Variants in RAP1A observed in about 807,000 individuals in gnomAD.
The protein encoded by RAP1A is ras-related protein Rap-1A.
A neutral mutation model predicts 26.4 loss-of-function variants in RAP1A; 6 were observed. The observed-to-expected ratio is 0.23, with a 90% CI of 0.12 to 0.45. The LOEUF (loss-of-function observed/expected upper bound fraction) is 0.45. Ranked by LOEUF, RAP1A falls within the 20% of genes least tolerant of loss-of-function variation. The pLI, the probability that RAP1A is intolerant of heterozygous loss-of-function variation, is 0.99. For missense variants in RAP1A, 121 were observed against 217.2 expected (o/e 0.56, Z 2.78); for synonymous variants, 73 against 79.4 (o/e 0.92, Z 0.43).
chr1:111,695,411 TA>T lies in RAP1A; in HGVS notation c.126+6del. On this transcript the variant is annotated splice_donor_region_variant and intron_variant, in intron 3 of 7. Coordinates refer to ENST00000369709, the MANE Select transcript of RAP1A (RefSeq NM_002884.4). Reference sequence around the variant, plus strand: ...ACGATAGAAGATTCCTACAGAAAGGTAAAATGTGAAACTTGTACACACATGC... The same window carrying T: ...ACGATAGAAGATTCCTACAGAAAGGTAAATGTGAAACTTGTACACACATGC... 2 of 1,549,448 alleles carry T rather than the reference TA, an allele frequency of 1.3e-6. No individual in the cohort carries two copies. Among genetic ancestry groups the T allele is most frequent in the Admixed American group, 4.3e-5 (2 of 46,422 alleles).
chr1:111,619,703 C>T, upstream of RAP1A: 1 of 392,730 alleles, frequency 2.5e-6, no homozygotes, highest in African/African-American at 2.1e-5. Flanking sequence ...GGGCCGAAGC[C>T]CAGCCATCGC....
chr1:111,652,563 C>T (rs1247780115), intron 1 of RAP1A, among the ~76,000 whole-genome samples: 2 of 152,106 alleles, frequency 1.3e-5, no homozygotes, highest in East Asian at 1.9e-4. Flanking sequence ...TACCATCTAG[C>T]TCTTCATAGA....
chr1:111,610,533 AACACACACACACACACACACACACAC>A (rs71099922), intron 1 of RAP1A, among the ~76,000 whole-genome samples: 4 of 141,794 alleles, frequency 2.8e-5, no homozygotes, highest in African/African-American at 1.0e-4. Flanking sequence ...CCCTCCACCC[AACACACACACACACACACACACACAC>A]ACACACACAC....
chr1:111,646,305 A>G (rs1045275404), intron 1 of RAP1A, among the ~76,000 whole-genome samples: 1 of 151,694 alleles, frequency 6.6e-6, no homozygotes, highest in African/African-American at 2.4e-5. Context: ...ATCCACTAGT[A>G]TACCTCTGAC....
chr1:111,580,718 G>A (rs1288945986), intron 1 of RAP1A, among the ~76,000 whole-genome samples: 1 of 152,062 alleles, frequency 6.6e-6, no homozygotes, highest in East Asian at 1.9e-4. Context: ...GCAGTGGCAG[G>A]TGCCTGTAAT....
At chr1:111,609,712 T>G (rs1487360455) in intron 1 of RAP1A, among the ~76,000 whole-genome samples, 1 of 152,222 alleles carries the variant, frequency 6.6e-6, no homozygotes, top group Non-Finnish European at 1.5e-5. Flanking sequence ...CTCGGCTCAC[T>G]GCAACCTCCG....
chr1:111,696,009 A>G (rs770695203), intron 3 of RAP1A, among the ~76,000 whole-genome samples: 10 of 152,108 alleles, frequency 6.6e-5, no homozygotes, highest in Non-Finnish European at 1.3e-4. Context: ...GGGTGAGGCT[A>G]TGCATTTGTG....
chr1:111,586,034 G>A (rs1658359416), intron 1 of RAP1A, among the ~76,000 whole-genome samples: 1 of 152,064 alleles, frequency 6.6e-6, no homozygotes, highest in East Asian at 1.9e-4. Flanking sequence ...TTGCTTGTAG[G>A]TATCTTTCTT....
chr1:111,679,522 T>TTTTC (rs540463226), intron 1 of RAP1A, among the ~76,000 whole-genome samples: 13,341 of 151,862 alleles, frequency 0.088, 777 homozygotes, highest in South Asian at 0.15. Context: ...CTTTTCTTTT[T>TTTTC]TTTTGTACCC....
intron 1 of RAP1A, among the ~76,000 whole-genome samples, chr1:111,594,725 T>C (rs1326990271): frequency 6.6e-6 from 1 of 152,126 alleles, no homozygotes; most frequent in Non-Finnish European, 1.5e-5. Context: ...AGTCTTCTGC[T>C]CACCTGAGCC....
At chr1:111,652,193 C>T (rs113060064) in intron 1 of RAP1A, among the ~76,000 whole-genome samples, 3,965 of 152,160 alleles carry the variant, frequency 0.026, 152 homozygotes, top group African/African-American at 0.089. Flanking sequence ...AGTCTCGTCT[C>T]GAACTCCTGA....
chr1:111,685,442 C>A (rs1202844459), intron 1 of RAP1A, among the ~76,000 whole-genome samples: 1 of 151,364 alleles, frequency 6.6e-6, no homozygotes, highest in Non-Finnish European at 1.5e-5. Context: ...AAAGAAACAA[C>A]CTCATCAAAA....
chr1:111,596,687 G>A (rs1658569770), intron 1 of RAP1A, among the ~76,000 whole-genome samples: 1 of 152,220 alleles, frequency 6.6e-6, no homozygotes, highest in Non-Finnish European at 1.5e-5. Flanking sequence ...TGAGAGATGT[G>A]GTGGCTGGCG....
chr1:111,648,883 AC>A, intron 1 of RAP1A: 1 of 791,606 alleles, frequency 1.3e-6, no homozygotes, highest in South Asian at 1.3e-5. Flanking sequence ...TCCATGGTCA[AC>A]CCAGAGCTGG....
In RAP1A at chr1:111,545,890, C is replaced by T. The variant is rs192483229; in HGVS notation, c.-28+3381C>T. Among the ~76,000 whole-genome samples, 728 of 152,196 alleles carry T rather than the reference C, an allele frequency of 4.8e-3. 1 individual carries two copies. Among genetic ancestry groups the T allele is most frequent in the African/African-American group, 0.017 (695 of 41,540 alleles). Reference sequence around the variant, plus strand: ...TGTTGAAAAGACTGTCCTTTCTCCCCGGAACAGTCTTGGAAACCTGTTGAA... The same window carrying T: ...TGTTGAAAAGACTGTCCTTTCTCCCTGGAACAGTCTTGGAAACCTGTTGAA... On this transcript the variant is annotated intron_variant, in intron 1 of 7. Coordinates refer to the RAP1A transcript ENST00000356415.
intron 1 of RAP1A, among the ~76,000 whole-genome samples, chr1:111,639,163 T>C (rs1271593547): frequency 6.6e-6 from 1 of 152,228 alleles, no homozygotes; most frequent in African/African-American, 2.4e-5. Context: ...TCTGGTAATG[T>C]GTTTAGTTTA....
chr1:111,666,836 C>T (rs563156354), intron 1 of RAP1A, among the ~76,000 whole-genome samples: 11 of 152,130 alleles, frequency 7.2e-5, no homozygotes, highest in Non-Finnish European at 1.6e-4. Flanking sequence ...TCATTGCAGG[C>T]AAAGGGAATA....
At chr1:111,671,280 G>A (rs1660966762) in intron 1 of RAP1A, among the ~76,000 whole-genome samples, 1 of 152,124 alleles carries the variant, frequency 6.6e-6, no homozygotes, top group South Asian at 2.1e-4. Flanking sequence ...ACTGTTGTGT[G>A]AAGATAGAAT....
At chr1:111,561,058 C>A (rs550285413) in intron 1 of RAP1A, among the ~76,000 whole-genome samples, 1 of 152,272 alleles carries the variant, frequency 6.6e-6, no homozygotes, top group South Asian at 2.1e-4. Context: ...GAGGACCATA[C>A]CCTGAAGAAG....
Sources: gnomAD v4.1 joint callset for allele counts (sites outside exome capture counted in the v4.1 genomes callset) on GRCh38, gnomAD v4.1.1 for gene constraint, MANE v1.5 for transcripts, NCBI Gene and HGNC (gene_info 2026-07-23, HGNC 2026-07-21) for gene names.